Variants in PLCE1 observed in about 807,000 individuals in gnomAD.
PLCE1 encodes phospholipase C epsilon 1.
In PLCE1, 119 loss-of-function variants were observed where a neutral mutation model predicts 242.8. The observed-to-expected ratio is 0.49, with a 90% CI of 0.42 to 0.57. The LOEUF (loss-of-function observed/expected upper bound fraction) is 0.57. PLCE1 is among the 20% of genes least tolerant of loss of function. The pLI is 0.00. For missense variants in PLCE1, 2,441 were observed against 2,788.8 expected (o/e 0.88, Z 2.81); for synonymous variants, 945 against 1,017.4 (o/e 0.93, Z 1.35).
chr10:94,229,971 C>T (rs2050086929), intron 5 of PLCE1, among the ~76,000 whole-genome samples: 2 of 152,188 alleles, frequency 1.3e-5, no homozygotes, highest in Admixed American at 1.3e-4. Flanking sequence ...GGAGGCAGAG[C>T]TTATATGTGC....
intron 2 of PLCE1, among the ~76,000 whole-genome samples, chr10:94,083,384 A>G (rs908268468): frequency 7.2e-5 from 11 of 152,178 alleles, no homozygotes; most frequent in Admixed American, 3.3e-4. Context: ...TCATCAGCCC[A>G]TTTTTTTGGG....
At chr10:94,260,569 T>C (rs1440215383) in intron 13 of PLCE1, among the ~76,000 whole-genome samples, 1 of 152,098 alleles carries the variant, frequency 6.6e-6, no homozygotes, top group Non-Finnish European at 1.5e-5. Flanking sequence ...ATTAGTCAAG[T>C]AGTTACATTT....
At chr10:94,224,269 G>A (rs1355100191) in intron 4 of PLCE1, among the ~76,000 whole-genome samples, 2 of 152,124 alleles carry the variant, frequency 1.3e-5, no homozygotes, top group Admixed American at 1.3e-4. Flanking sequence ...CTAGCATTGT[G>A]GGAAAGTATA....
intron 4 of PLCE1, among the ~76,000 whole-genome samples, chr10:94,172,553 G>T (rs1429205921): frequency 1.3e-5 from 2 of 152,164 alleles, no homozygotes; most frequent in African/African-American, 4.8e-5. Flanking sequence ...CTGGCAAGGT[G>T]CGGTGGCTCA....
chr10:94,202,409 A>G (rs1014531075), intron 4 of PLCE1, among the ~76,000 whole-genome samples: 2 of 151,982 alleles, frequency 1.3e-5, no homozygotes, highest in Non-Finnish European at 1.5e-5. Context: ...TTCTGGCAAG[A>G]TGTTTTTACA....
At chr10:94,210,501 T>C (rs2049298846) in intron 4 of PLCE1, among the ~76,000 whole-genome samples, 1 of 152,172 alleles carries the variant, frequency 6.6e-6, no homozygotes, top group Admixed American at 6.5e-5. Flanking sequence ...TTGAGCTTGC[T>C]CACCAAAATC....
At chr10:94,313,887 C>T (rs1174446917) in intron 28 of PLCE1, among the ~76,000 whole-genome samples, 2 of 152,156 alleles carry the variant, frequency 1.3e-5, no homozygotes, top group African/African-American at 4.8e-5. Context: ...CAGCCTAAGG[C>T]CTTCCTTTGC....
chr10:94,114,905 T>A lies in PLCE1; in HGVS notation c.1207-17269T>A, dbSNP rs377177840. Among the ~76,000 whole-genome samples, 425 of 152,192 alleles carry A rather than the reference T, an allele frequency of 2.8e-3. 2 individuals carry two copies. The highest frequency in any genetic ancestry group is 9.0e-3 in the African/African-American group (373 of 41,516). Reference sequence around the variant, plus strand: ...TTACATTAGGTGTATCTCCTAATGCTATCCCTCCCCCCTTCCCCCATCCCA... The same window carrying A: ...TTACATTAGGTGTATCTCCTAATGCAATCCCTCCCCCCTTCCCCCATCCCA... On this transcript the variant is annotated intron_variant, in intron 2 of 32. Coordinates refer to ENST00000371380, the MANE Select transcript of PLCE1 (RefSeq NM_016341.4).
chr10:94,197,713 T>G lies in PLCE1; in HGVS notation c.1809+26217T>G, dbSNP rs186166099. The stretch of plus-strand genomic sequence containing the variant: ...TAATCTCATTCTTGGCTGGGTGCAG[T>G]GGCTCACGCCTGTAATCCCAGCACT... On this transcript the variant is annotated intron_variant, in intron 4 of 32. Coordinates refer to ENST00000371380, the MANE Select transcript of PLCE1 (RefSeq NM_016341.4). Among the ~76,000 whole-genome samples, 32 of 152,324 alleles carry G rather than the reference T, an allele frequency of 2.1e-4. No individual in the cohort carries two copies. In the East Asian group the frequency reaches 5.4e-3, roughly 26 times the overall value.
intron 19 of PLCE1, among the ~76,000 whole-genome samples, chr10:94,277,129 C>A (rs1488028684): frequency 6.6e-6 from 1 of 152,124 alleles, no homozygotes; most frequent in East Asian, 1.9e-4. Context: ...TTTCTGAAGC[C>A]CTCCACCTGC....
At chr10:94,294,955 A>G (rs2052760390) in intron 23 of PLCE1, among the ~76,000 whole-genome samples, 1 of 127,000 alleles carries the variant, frequency 7.9e-6, no homozygotes, top group African/African-American at 3.1e-5. Context: ...TTGCTCTGTC[A>G]CCCAGGCTGG....
At chr10:94,320,292 G>T (rs1319171903) in intron 29 of PLCE1, among the ~76,000 whole-genome samples, 1 of 151,334 alleles carries the variant, frequency 6.6e-6, no homozygotes, top group Non-Finnish European at 1.5e-5. Context: ...ATTCATTCAT[G>T]GGAAAAAAAT....
intron 1 of PLCE1, among the ~76,000 whole-genome samples, chr10:94,005,149 CA>C (rs2061008689): frequency 6.6e-6 from 1 of 152,158 alleles, no homozygotes; most frequent in Non-Finnish European, 1.5e-5. Context: ...ATTCTGGAAG[CA>C]AGGGCTGCTG....
rs2051691156 is a variant in PLCE1 at position 94,270,560 on chromosome 10, C to T, written c.4464C>T (p.His1488=). Residue 1488 remains histidine (H), a synonymous_variant, in exon 18 of 33, where the codon CAC becomes CAT. Transcript: ENST00000371380. ...DLPIIISIEN[H]CSLPQQRKMA... ...CAATCATCATATCGATTGAGAACCA[C>T]TGTTCATTGCCTCAGCAACGAAAAA... 3 of 1,613,806 alleles carry T rather than the reference C, an allele frequency of 1.9e-6. No individual in the cohort carries two copies. The highest frequency in any genetic ancestry group is 1.7e-6 in the Non-Finnish European group (2 of 1,179,672).
intron 2 of PLCE1, 103 bp downstream of exon 2, chr10:94,032,355 TG>T (rs1168985865): frequency 4.9e-6 from 5 of 1,023,700 alleles, no homozygotes; most frequent in Non-Finnish European, 7.4e-6. Flanking sequence ...TTTTAAGATC[TG>T]TCAAATTATG....
rs182644270 is a variant in PLCE1, at chr10:94,198,531, C to T, written c.1809+27035C>T. Among the ~76,000 whole-genome samples the T allele has an allele frequency of 4.9e-3, 752 of 152,304 alleles. 4 individuals are homozygous for T. Among genetic ancestry groups the T allele is most frequent in the Non-Finnish European group, 7.6e-3 (519 of 68,018 alleles). ...GCATACAGTTGCGTAATGACCACCACGATCAGGATAGAGAATATCATTACA... is the reference window on the plus strand; with the variant it reads ...GCATACAGTTGCGTAATGACCACCATGATCAGGATAGAGAATATCATTACA... On this transcript the variant is annotated intron_variant, in intron 4 of 32. Transcript: ENST00000371380.
intron 23 of PLCE1, among the ~76,000 whole-genome samples, chr10:94,296,893 A>G (rs1270076920): frequency 1.3e-5 from 2 of 149,152 alleles, no homozygotes; most frequent in African/African-American, 4.9e-5. Context: ...TTTTTTTTTG[A>G]GGCAGAGTCT....
At chr10:94,159,176 T>C (rs537707360) in intron 3 of PLCE1, among the ~76,000 whole-genome samples, 2 of 152,008 alleles carry the variant, frequency 1.3e-5, no homozygotes, top group African/African-American at 4.8e-5. Flanking sequence ...ATATATTGGG[T>C]TTTTTTTCTC....
intron 2 of PLCE1, among the ~76,000 whole-genome samples, chr10:94,123,191 G>A (rs771799553): frequency 6.6e-6 from 1 of 152,118 alleles, no homozygotes; most frequent in Non-Finnish European, 1.5e-5. Context: ...AAGGCCACAT[G>A]GAGGAGGTAA....
Sources: gnomAD v4.1 joint callset for allele counts (sites outside exome capture counted in the v4.1 genomes callset) on GRCh38, gnomAD v4.1.1 for gene constraint, MANE v1.5 for transcripts, NCBI Gene and HGNC (gene_info 2026-07-23, HGNC 2026-07-21) for gene names.